BMPR1B: variants seen among roughly 807,000 people sequenced by gnomAD.
BMPR1B encodes the protein bone morphogenetic protein receptor type 1B.
A neutral mutation model predicts 59.1 loss-of-function variants in BMPR1B; 12 were observed. The ratio of observed to expected loss-of-function variants is 0.20; its 90% CI spans 0.13 to 0.33. The LOEUF (loss-of-function observed/expected upper bound fraction) is 0.33. BMPR1B is among the 10% of genes least tolerant of loss of function. The probability of loss-of-function intolerance (pLI) is 1.00; values close to 1 mark genes in which losing one functional copy is unlikely to be tolerated. For synonymous variants in BMPR1B, 237 were observed against 207.3 expected, an observed-to-expected ratio of 1.14 and a Z score of -1.23; for missense variants, 550 against 610.9, an observed-to-expected ratio of 0.90 and a Z score of 1.05.
intron 1 of BMPR1B, among the ~76,000 whole-genome samples, chr4:94,795,284 G>T (rs542747433): frequency 1.4e-5 from 2 of 147,028 alleles, no homozygotes; most frequent in Admixed American, 6.9e-5. Context: ...TAATCATGTG[G>T]TTTTTGTCTT....
chr4:95,110,451 G>A (rs139268219), intron 4 of BMPR1B, among the ~76,000 whole-genome samples: 55 of 152,180 alleles, frequency 3.6e-4, no homozygotes, highest in African/African-American at 1.2e-3. Context: ...GTACTTCGTC[G>A]TTAATGTTGT....
chr4:94,799,594 G>T (rs1578657785), intron 1 of BMPR1B, among the ~76,000 whole-genome samples: 1 of 151,816 alleles, frequency 6.6e-6, no homozygotes, highest in Non-Finnish European at 1.5e-5. Context: ...GAGCCACTGC[G>T]CCCAGCCAAC....
chr4:94,807,912 T>A (rs1250128363), intron 1 of BMPR1B, among the ~76,000 whole-genome samples: 1 of 152,180 alleles, frequency 6.6e-6, no homozygotes, highest in East Asian at 1.9e-4. Flanking sequence ...GGTCTCAGAC[T>A]CCTAGCCTCA....
chr4:95,067,962 G>A (rs1560629326), intron 3 of BMPR1B, among the ~76,000 whole-genome samples: 1 of 152,124 alleles, frequency 6.6e-6, no homozygotes, highest in Non-Finnish European at 1.5e-5. Context: ...GGCAAAGAAA[G>A]GAAGTAAACA....
Position 95,154,757 on chromosome 4 carries a change from A to G in BMPR1B, c.*84A>G. 1 of 1,573,588 alleles carries G rather than the reference A, an allele frequency of 6.4e-7. No homozygotes were observed. The highest frequency in any genetic ancestry group is 1.3e-5 in the African/African-American group (1 of 74,110). ...GCAGAGCAAAAGACATCAAATAAGCATCCACAGTACAAGCCTTGAACATCG... is the reference window on the plus strand; with the variant it reads ...GCAGAGCAAAAGACATCAAATAAGCGTCCACAGTACAAGCCTTGAACATCG... On this transcript the variant is annotated 3_prime_UTR_variant, in exon 13 of 13. Coordinates refer to ENST00000515059, the MANE Select transcript of BMPR1B (RefSeq NM_001203.3).
intron 4 of BMPR1B, among the ~76,000 whole-genome samples, chr4:95,110,633 C>T (rs1731562291): frequency 6.6e-6 from 1 of 152,150 alleles, no homozygotes; most frequent in South Asian, 2.1e-4. Flanking sequence ...CCACACTCAG[C>T]ATTCTTCTTT....
chr4:94,836,408 C>T (rs1170203255), intron 1 of BMPR1B, among the ~76,000 whole-genome samples: 3 of 137,722 alleles, frequency 2.2e-5, no homozygotes, highest in Non-Finnish European at 1.5e-5. Context: ...TCCACATCCT[C>T]TCCAGCACCT....
chr4:95,069,114 A>C (rs1231938143), intron 3 of BMPR1B, among the ~76,000 whole-genome samples: 2 of 152,192 alleles, frequency 1.3e-5, no homozygotes, highest in Admixed American at 6.5e-5. Context: ...AATTTCTAAG[A>C]ATCTATCGAC....
intron 3 of BMPR1B, among the ~76,000 whole-genome samples, chr4:95,038,191 CACAA>C (rs1725399462): frequency 1.3e-5 from 2 of 152,084 alleles, no homozygotes; most frequent in Admixed American, 1.3e-4. Context: ...AATCAGGAGA[CACAA>C]AGCTCTGAGC....
chr4:95,014,779 G>A (rs1723468818), intron 3 of BMPR1B, among the ~76,000 whole-genome samples: 1 of 152,134 alleles, frequency 6.6e-6, no homozygotes, highest in Non-Finnish European at 1.5e-5. Flanking sequence ...TTACTACCAA[G>A]GTCCTGATTT....
At chr4:94,830,868 A>G (rs6532511) in intron 1 of BMPR1B, among the ~76,000 whole-genome samples, 77,697 of 152,054 alleles carry the variant, frequency 0.51, 21,279 homozygotes, top group African/African-American at 0.72. Flanking sequence ...TGTGCTGCCA[A>G]TCATACAAAA....
At chr4:94,840,871 G>GT (rs1725031517) in intron 1 of BMPR1B, among the ~76,000 whole-genome samples, 2 of 147,042 alleles carry the variant, frequency 1.4e-5, no homozygotes, top group African/African-American at 5.0e-5. Flanking sequence ...TTTCTGTTCT[G>GT]TTTTTTCCCC....
intron 3 of BMPR1B, among the ~76,000 whole-genome samples, chr4:95,101,972 G>GAATACCCTGTAAGTA (rs1335955885): frequency 6.6e-6 from 1 of 151,974 alleles, no homozygotes; most frequent in Non-Finnish European, 1.5e-5. Context: ...TTAATAACTA[G>GAATACCCTGTAAGTA]AATACCCTGT....
chr4:95,104,715 G>A, intron 4 of BMPR1B, 148 bp downstream of exon 4: 1 of 1,078,514 alleles, frequency 9.3e-7, no homozygotes, highest in Non-Finnish European at 1.4e-6. Flanking sequence ...TTGTATTAGA[G>A]AAATATTGAA....
chr4:94,876,175 T>C lies in BMPR1B; in HGVS notation c.-113+275T>C, dbSNP rs143024463. Among the ~76,000 whole-genome samples, 20 of 152,376 alleles carry C rather than the reference T, an allele frequency of 1.3e-4. No homozygotes were observed. The East Asian group carries it at 3.7e-3, about 28-fold the overall frequency. ...GAAATGTTGGCCTACACACTTAGTC[T>C]GTTCCTCAAACATTTACACACTTGG... is the stretch of plus-strand genomic sequence containing the variant. On this transcript the variant is annotated intron_variant, in intron 2 of 12. Coordinates refer to ENST00000515059, the MANE Select transcript of BMPR1B (RefSeq NM_001203.3).
chr4:94,962,354 T>TGATG (rs1338955684), intron 2 of BMPR1B, among the ~76,000 whole-genome samples: 5 of 152,286 alleles, frequency 3.3e-5, no homozygotes, highest in African/African-American at 9.6e-5. Flanking sequence ...GCCAGGCTGG[T>TGATG]CTTGAACCCA....
chr4:94,877,020 G>A (rs1726757350), intron 2 of BMPR1B, among the ~76,000 whole-genome samples: 2 of 151,700 alleles, frequency 1.3e-5, no homozygotes, highest in African/African-American at 2.4e-5. Context: ...ACAAGTATTG[G>A]TATTACTCCT....
At chr4:95,049,472 C>G (rs1726295919) in intron 3 of BMPR1B, among the ~76,000 whole-genome samples, 2 of 65,862 alleles carry the variant, frequency 3.0e-5, no homozygotes, top group African/African-American at 6.6e-5. Context: ...TTTTTTTTTG[C>G]AGTTCATATA....
chr4:95,025,534 C>A (rs1447711290), intron 3 of BMPR1B, among the ~76,000 whole-genome samples: 2 of 152,132 alleles, frequency 1.3e-5, no homozygotes, highest in African/African-American at 4.8e-5. Context: ...CTACTAGTTA[C>A]CACACTTGTG....
Sources: allele counts gnomAD v4.1 joint callset (sites outside exome capture counted in the v4.1 genomes callset), GRCh38; gene constraint gnomAD v4.1.1; transcripts MANE v1.5; gene names NCBI Gene and HGNC (gene_info 2026-07-23, HGNC 2026-07-21).